GRID2: variants seen among roughly 807,000 people sequenced by gnomAD.
GRID2 encodes glutamate ionotropic receptor delta type subunit 2, also known as glutamate receptor ionotropic, delta-2.
In GRID2, 33 loss-of-function variants were observed where a neutral mutation model predicts 114.8. The observed-to-expected ratio is 0.29, with a 90% CI of 0.22 to 0.38. The LOEUF is 0.38. Among genes scored for constraint, GRID2 ranks in the 10% least tolerant of loss-of-function variants. The pLI is 1.00. For synonymous variants in GRID2, 505 were observed against 449.9 expected (o/e 1.12, Z -1.55); for missense variants, 1,184 against 1,257.7 (o/e 0.94, Z 0.89).
chr4:92,736,430 T>A (rs1019807799), intron 2 of GRID2, among the ~76,000 whole-genome samples: 19 of 152,132 alleles, frequency 1.2e-4, no homozygotes, highest in African/African-American at 4.1e-4. Flanking sequence ...GCTAACTTTA[T>A]AAAATTTGTT....
chr4:92,921,158 A>G (rs1045128671), intron 2 of GRID2, among the ~76,000 whole-genome samples: 2 of 152,024 alleles, frequency 1.3e-5, no homozygotes, highest in Admixed American at 1.3e-4. Flanking sequence ...TGAGGCTTGT[A>G]CATTCATCAT....
chr4:93,678,905 A>G (rs1725205290), intron 14 of GRID2, among the ~76,000 whole-genome samples: 1 of 151,056 alleles, frequency 6.6e-6, no homozygotes, highest in African/African-American at 2.5e-5. Context: ...TCATAATGAC[A>G]GGATCAAATT....
chr4:92,329,647 T>C (rs1029526013), intron 1 of GRID2, among the ~76,000 whole-genome samples: 1 of 151,944 alleles, frequency 6.6e-6, no homozygotes, highest in Non-Finnish European at 1.5e-5. Context: ...TTGTAGAATA[T>C]CTACATATGC....
intron 1 of GRID2, among the ~76,000 whole-genome samples, chr4:92,381,552 C>T (rs975841561): frequency 6.6e-6 from 1 of 151,930 alleles, no homozygotes; most frequent in East Asian, 1.9e-4. Flanking sequence ...ACGCTGGGAC[C>T]CTACTAATGT....
intron 8 of GRID2, among the ~76,000 whole-genome samples, chr4:93,297,768 A>G (rs1285352417): frequency 2.6e-5 from 4 of 152,200 alleles, no homozygotes; most frequent in Non-Finnish European, 5.9e-5. Context: ...GTTTGATAGT[A>G]CAACTTGTCT....
At chr4:92,780,039 T>G (rs1412049212) in intron 2 of GRID2, among the ~76,000 whole-genome samples, 2 of 152,248 alleles carry the variant, frequency 1.3e-5, no homozygotes, top group East Asian at 1.9e-4. Context: ...ACTTAATTAC[T>G]GAGAAAACAA....
intron 1 of GRID2, among the ~76,000 whole-genome samples, chr4:92,413,403 A>G (rs187862379): frequency 6.6e-6 from 1 of 152,314 alleles, no homozygotes; most frequent in Non-Finnish European, 1.5e-5. Context: ...GTGAGTGATG[A>G]AGAAGGTGGA....
chr4:93,118,093 G>A (rs1469855619), intron 4 of GRID2, among the ~76,000 whole-genome samples: 3 of 152,146 alleles, frequency 2.0e-5, no homozygotes. Flanking sequence ...TCTGCAGGTA[G>A]AGGTCTTGAT....
chr4:93,450,735 A>G (rs1722610158), intron 10 of GRID2, among the ~76,000 whole-genome samples: 1 of 151,830 alleles, frequency 6.6e-6, no homozygotes, highest in Non-Finnish European at 1.5e-5. Flanking sequence ...AAATGTATTT[A>G]TATTCCAGTT....
chr4:93,434,183 G>A (rs1720844886), intron 10 of GRID2, among the ~76,000 whole-genome samples: 1 of 152,202 alleles, frequency 6.6e-6, no homozygotes, highest in South Asian at 2.1e-4. Flanking sequence ...GACTCGGATA[G>A]ATTGGTAAAA....
chr4:93,772,036 G>A, intron 15 of GRID2, 40 bp from the exon 16 acceptor site: 1 of 1,240,036 alleles, frequency 8.1e-7, no homozygotes, highest in Non-Finnish European at 1.2e-6. Flanking sequence ...ATCAAAGCTA[G>A]TACTGATGAG....
At chr4:93,175,652 A>T (rs930485689) in intron 4 of GRID2, among the ~76,000 whole-genome samples, 3 of 152,214 alleles carry the variant, frequency 2.0e-5, no homozygotes, top group Admixed American at 1.3e-4. Flanking sequence ...CTCAATTTTC[A>T]TACATAAAAC....
At chr4:92,598,471 C>T (rs1729054918) in intron 2 of GRID2, among the ~76,000 whole-genome samples, 1 of 152,250 alleles carries the variant, frequency 6.6e-6, no homozygotes, top group East Asian at 1.9e-4. Context: ...TGCAGACACT[C>T]AAAATGTCTG....
intron 2 of GRID2, among the ~76,000 whole-genome samples, chr4:93,022,277 T>C (rs1429070206): frequency 6.6e-6 from 1 of 151,956 alleles, no homozygotes; most frequent in East Asian, 1.9e-4. Context: ...TGGGCATATA[T>C]AATGAGGGAA....
At chr4:93,345,804 T>C (rs1426243402) in intron 8 of GRID2, among the ~76,000 whole-genome samples, 1 of 152,152 alleles carries the variant, frequency 6.6e-6, no homozygotes, top group African/African-American at 2.4e-5. Flanking sequence ...AAATCCAATT[T>C]GAGTTGATTT....
intron 4 of GRID2, among the ~76,000 whole-genome samples, chr4:93,191,347 G>A (rs1218881379): frequency 1.3e-5 from 2 of 152,040 alleles, no homozygotes; most frequent in Non-Finnish European, 2.9e-5. Flanking sequence ...AACTGCCATA[G>A]CAAGCTGTCT....
intron 1 of GRID2, among the ~76,000 whole-genome samples, chr4:92,573,113 C>T (rs942426412): frequency 1.5e-4 from 23 of 151,900 alleles, no homozygotes; most frequent in Non-Finnish European, 2.1e-4. Flanking sequence ...TGTGCACAGA[C>T]GTGTTTATAG....
intron 1 of GRID2, among the ~76,000 whole-genome samples, chr4:92,449,144 A>G (rs1251238250): frequency 1.3e-5 from 2 of 152,136 alleles, no homozygotes; most frequent in African/African-American, 2.4e-5. Context: ...GCTCCTACAT[A>G]TAGGACTGCT....
chr4:92,416,140 A>C (rs772678616), intron 1 of GRID2, among the ~76,000 whole-genome samples: 5 of 151,546 alleles, frequency 3.3e-5, no homozygotes, highest in African/African-American at 4.8e-5. Context: ...TTTAATTTAC[A>C]TTTTCCTGAT....
Sources: allele counts gnomAD v4.1 joint callset (sites outside exome capture counted in the v4.1 genomes callset), GRCh38; gene constraint gnomAD v4.1.1; transcripts MANE v1.5; gene names NCBI Gene and HGNC (gene_info 2026-07-23, HGNC 2026-07-21).